CFAP69: variants seen among roughly 807,000 people sequenced by gnomAD.
The protein encoded by CFAP69 is cilia- and flagella-associated protein 69.
Under a neutral mutation model 123.0 loss-of-function variants are expected in CFAP69, and 92 were observed. The ratio of observed to expected loss-of-function variants is 0.75; its 90% CI spans 0.63 to 0.89. CFAP69 has a LOEUF of 0.89. CFAP69 is among the 40% of genes least tolerant of loss of function. The probability of loss-of-function intolerance (pLI) is 0.00; values close to 1 mark genes in which losing one functional copy is unlikely to be tolerated. For missense variants in CFAP69, 1,067 were observed against 1,096.9 expected, an observed-to-expected ratio of 0.97 and a Z score of 0.39; for synonymous variants, 380 against 364.3, an observed-to-expected ratio of 1.04 and a Z score of -0.49.
At chr7:90,297,224 C>G (rs1246672943) in intron 15 of CFAP69, among the ~76,000 whole-genome samples, 3 of 152,072 alleles carry the variant, frequency 2.0e-5, no homozygotes, top group African/African-American at 7.2e-5. Flanking sequence ...TCTGTTTTAA[C>G]GTTAATACTC....
chr7:90,258,455 C>T (rs1044803008), intron 3 of CFAP69, among the ~76,000 whole-genome samples: 1 of 152,118 alleles, frequency 6.6e-6, no homozygotes, highest in African/African-American at 2.4e-5. Context: ...GCCTCATGCC[C>T]TCTTCCCCCC....
In CFAP69 at chr7:90,300,141, G is replaced by T. The variant is rs543492937; in HGVS notation, c.2050+82G>T. The T allele has an allele frequency of 4.6e-4, 582 of 1,259,768 alleles. 4 individuals carry two copies. Among genetic ancestry groups the T allele is most frequent in the South Asian group, 2.9e-3 (93 of 32,406 alleles). 78.0% of individuals were successfully genotyped at this position (1,259,768 alleles called of 1,614,324 possible). ...TTTAAATGGTATTAAGAAAGCATCA[G>T]GCCTTTCACCCCTTTGTCTAAAGTT... On this transcript the variant is annotated intron_variant, in intron 17 of 22. Coordinates refer to ENST00000389297, the MANE Select transcript of CFAP69 (RefSeq NM_001039706.3).
the CFAP69 span, among the ~76,000 whole-genome samples, chr7:90,323,659 T>C: frequency 6.6e-6 from 1 of 152,174 alleles, no homozygotes; most frequent in Non-Finnish European, 1.5e-5. Flanking sequence ...AAAGTAAATT[T>C]ATAAGATTCA....
intron 1 of CFAP69, among the ~76,000 whole-genome samples, chr7:90,250,049 G>A (rs923679887): frequency 2.0e-5 from 3 of 152,064 alleles, no homozygotes; most frequent in Admixed American, 2.0e-4. Flanking sequence ...TAGGGTTTTT[G>A]CAAGAAATAA....
chr7:90,309,203 G>A lies in CFAP69; in HGVS notation c.2551-60G>A, dbSNP rs572414562. The A allele has an allele frequency of 4.8e-5, 38 of 787,230 alleles. 3 individuals carry two copies. In the South Asian group the frequency reaches 7.6e-4, roughly 16 times the overall value. 48.8% of individuals were successfully genotyped at this position (787,230 alleles called of 1,614,324 possible). A position where few individuals can be genotyped will look rare whatever the true frequency, so the allele number is the denominator to read the frequency against. On this transcript the variant is annotated intron_variant, in intron 21 of 22. Transcript: ENST00000389297. ...CAATTAAATATGTTTTTCATTGTAA[G>A]TACCATCATTACTGATTTAATAGCA...
chr7:90,268,792 A>G (rs1332466595), intron 6 of CFAP69: 1 of 178,106 alleles, frequency 5.6e-6, no homozygotes, highest in African/African-American at 2.4e-5. Context: ...AAATAGTTCT[A>G]TGTGTTATAG....
intron 4 of CFAP69, among the ~76,000 whole-genome samples, chr7:90,264,102 AAAATATATATATATAT>A (rs1420671802): frequency 0.019 from 632 of 33,826 alleles, 69 homozygotes; most frequent in African/African-American, 0.056. Context: ...AAAAAAAAAA[AAAATATATATATATAT>A]ATATATATAT....
chr7:90,263,879 A>G (rs1798671807), intron 4 of CFAP69, among the ~76,000 whole-genome samples: 1 of 151,804 alleles, frequency 6.6e-6, no homozygotes, highest in Admixed American at 6.6e-5. Context: ...TCACGAGGTC[A>G]GGAGATGGAG....
chr7:90,274,141 A>G, intron 9 of CFAP69, 31 bp downstream of exon 9: 1 of 1,585,090 alleles, frequency 6.3e-7, no homozygotes, highest in Non-Finnish European at 8.5e-7. Flanking sequence ...ATTAATTTTA[A>G]TTGTGGAAGT....
intron 17 of CFAP69, chr7:90,301,844 T>G (rs1792859484): frequency 6.6e-6 from 1 of 152,236 alleles, no homozygotes; most frequent in African/African-American, 2.4e-5. Context: ...ATATACTCAG[T>G]CACAGGATTG....
intron 17 of CFAP69, chr7:90,303,493 G>A (rs978141471): frequency 4.1e-5 from 34 of 836,740 alleles, no homozygotes; most frequent in Non-Finnish European, 4.5e-5. Flanking sequence ...CTTAAGTATT[G>A]TTTATTTTTA....
the CFAP69 span, chr7:90,319,879 A>C: frequency 1.0e-5 from 4 of 396,764 alleles, no homozygotes; most frequent in Non-Finnish European, 1.8e-5. Flanking sequence ...CTAGGTATTC[A>C]TTTTTTCTAA....
At chr7:90,313,174 A>G (rs1026296185), downstream of CFAP69, among the ~76,000 whole-genome samples, 5 of 152,336 alleles carry the variant, frequency 3.3e-5, no homozygotes, top group South Asian at 6.2e-4. Flanking sequence ...TCTAGAATGT[A>G]TGAATCTGGT....
chr7:90,264,122 T>A (rs1402891979), intron 4 of CFAP69, among the ~76,000 whole-genome samples: 3,600 of 30,494 alleles, frequency 0.12, 582 homozygotes, highest in East Asian at 0.29. Flanking sequence ...TATATATATA[T>A]ATATATATAT....
chr7:90,285,243 T>C (rs1348799111), intron 13 of CFAP69, among the ~76,000 whole-genome samples: 1 of 152,072 alleles, frequency 6.6e-6, no homozygotes, highest in African/African-American at 2.4e-5. Context: ...AGCTAGCCTC[T>C]CTTAGGGTCT....
intron 21 of CFAP69, among the ~76,000 whole-genome samples, chr7:90,308,641 G>A (rs1474998285): frequency 6.6e-6 from 1 of 152,102 alleles, no homozygotes; most frequent in East Asian, 1.9e-4. Flanking sequence ...AAGGTACCAA[G>A]TTATCTCCCT....
rs926299188 is a variant in CFAP69, at chr7:90,265,440, A to G, written c.433+63A>G. On this transcript the variant is annotated intron_variant, in intron 5 of 22. Coordinates refer to ENST00000389297, the MANE Select transcript of CFAP69 (RefSeq NM_001039706.3). Reference sequence around the variant, plus strand: ...TACGACAGGTCCTACTGACAAGGGAATATCTATTTTCCCCAAGTTTCACTA... The same window carrying G: ...TACGACAGGTCCTACTGACAAGGGAGTATCTATTTTCCCCAAGTTTCACTA... The G allele has an allele frequency of 6.3e-6, 7 of 1,115,466 alleles. No homozygotes were observed. The African/African-American group carries it at 6.3e-5, about 10-fold the overall frequency. The allele number at this position is 1,115,466 out of a possible 1,614,324, so 69.1% of individuals were successfully genotyped here.
chr7:90,260,437 G>A (rs1029460205), intron 3 of CFAP69, among the ~76,000 whole-genome samples: 1 of 152,024 alleles, frequency 6.6e-6, no homozygotes, highest in African/African-American at 2.4e-5. Context: ...GAGGTGGAAG[G>A]GTCGTTTGAG....
downstream of CFAP69, among the ~76,000 whole-genome samples, chr7:90,312,070 C>T (rs1371575938): frequency 2.0e-5 from 3 of 152,146 alleles, no homozygotes; most frequent in African/African-American, 7.2e-5. Context: ...TCTCTAAGAA[C>T]AAGGTAGAGA....
Sources: gnomAD v4.1 joint callset for allele counts (sites outside exome capture counted in the v4.1 genomes callset) on GRCh38, gnomAD v4.1.1 for gene constraint, MANE v1.5 for transcripts, NCBI Gene and HGNC (gene_info 2026-07-23, HGNC 2026-07-21) for gene names.